PIWIL4: variants seen among roughly 807,000 people sequenced by gnomAD.
PIWIL4 encodes the protein piwi-like protein 4.
A neutral mutation model predicts 100.9 loss-of-function variants in PIWIL4; 50 were observed. The ratio of observed to expected loss-of-function variants is 0.50; its 90% CI spans 0.39 to 0.63. The LOEUF (loss-of-function observed/expected upper bound fraction) is 0.63, where lower values mean the gene tolerates loss of function less well. Ranked by LOEUF, PIWIL4 falls within the 20% of genes least tolerant of loss-of-function variation. The pLI is 0.00. For missense variants in PIWIL4, 887 were observed against 1,043.3 expected (o/e 0.85, Z 2.06); for synonymous variants, 342 against 367.5 (o/e 0.93, Z 0.79).
intron 4 of PIWIL4, among the ~76,000 whole-genome samples, chr11:94,580,257 A>C (rs935120704): frequency 9.2e-5 from 14 of 152,344 alleles, no homozygotes; most frequent in African/African-American, 3.4e-4. Context: ...GTTACAGTGC[A>C]AAAGAAAGTG....
intron 7 of PIWIL4, 116 bp downstream of exon 7, chr11:94,587,363 T>G (rs1361091619): frequency 1.8e-6 from 2 of 1,118,634 alleles, no homozygotes; most frequent in African/African-American, 3.2e-5. Flanking sequence ...CATTTACTCA[T>G]CTGTTTAGAA....
rs1385386233 is a variant in PIWIL4, at chr11:94,619,859, G to A, written c.2268G>A (p.Val756=). ...AGAACCCCCCACTTGGCACTGTTGT[G>A]GATTCAGAAGCAACACGTAACGAAT... ...TVQNPPLGTV[V]DSEATRNEWY... The change falls in exon 18 of 20, where the codon GTG becomes GTA. Residue 756 remains valine (V), a synonymous_variant. Coordinates refer to ENST00000299001, the MANE Select transcript of PIWIL4 (RefSeq NM_152431.3). 6.2e-7 allele frequency: 1 copy of A among 1,614,140 alleles called. No homozygotes were observed. The highest frequency in any genetic ancestry group is 1.1e-5 in the South Asian group (1 of 91,088).
At chr11:94,595,210 A>G in intron 9 of PIWIL4, 99 bp from the exon 10 acceptor site, 8 of 879,268 alleles carry the variant, frequency 9.1e-6, no homozygotes, top group Non-Finnish European at 3.7e-6. Context: ...TGCTATACAG[A>G]TGGTGAATGC....
intron 2 of PIWIL4, among the ~76,000 whole-genome samples, chr11:94,569,021 T>C (rs1336459586): frequency 6.6e-6 from 1 of 152,188 alleles, no homozygotes; most frequent in African/African-American, 2.4e-5. Flanking sequence ...TCCATAGATA[T>C]TAGGAAGCCA....
intron 5 of PIWIL4, 49 bp downstream of exon 5, chr11:94,583,618 G>A: frequency 6.2e-7 from 1 of 1,607,116 alleles, no homozygotes; most frequent in Non-Finnish European, 8.5e-7. Context: ...ATACCTTTCA[G>A]CATAGAGCCT....
chr11:94,606,160 T>G (rs1948713328), intron 13 of PIWIL4, among the ~76,000 whole-genome samples: 1 of 152,184 alleles, frequency 6.6e-6, no homozygotes, highest in South Asian at 2.1e-4. Flanking sequence ...GCATACCTGC[T>G]TACTTGTCCA....
Position 94,619,883 on chromosome 11 carries a change from A to G in PIWIL4, c.2292A>G (p.Glu764=). The change falls in exon 18 of 20, where the codon GAA becomes GAG. Residue 764 remains glutamate (E), a splice_region_variant and synonymous_variant. Coordinates refer to ENST00000299001, the MANE Select transcript of PIWIL4 (RefSeq NM_152431.3). ...TGGATTCAGAAGCAACACGTAACGA[A>G]TGGCAAGTGCCGCTGGAAAATCAAT... ...TVVDSEATRN[E]WYDFYLISQV... The G allele has an allele frequency of 6.2e-7, 1 of 1,614,240 alleles. No homozygotes were observed. The highest frequency in any genetic ancestry group is 1.1e-5 in the South Asian group (1 of 91,090).
rs986231178 is a variant in PIWIL4 at position 94,621,258 on chromosome 11, G to A, written c.*266G>A. The A allele has an allele frequency of 3.5e-5, 13 of 371,696 alleles. No individual in the cohort carries two copies. The highest frequency in any genetic ancestry group is 8.5e-5 in the Admixed American group (2 of 23,662). The allele number at this position is 371,696 out of a possible 1,614,324, so 23.0% of individuals were successfully genotyped here. A position where few individuals can be genotyped will look rare whatever the true frequency, so the allele number is the denominator to read the frequency against. Reference sequence around the variant, plus strand: ...CATCATCTACAAAGAATTCCACAGAGTTAAATATCTTAAGTTAAACACTTA... The same window carrying A: ...CATCATCTACAAAGAATTCCACAGAATTAAATATCTTAAGTTAAACACTTA... On this transcript the variant is annotated 3_prime_UTR_variant, in exon 20 of 20. Coordinates refer to ENST00000299001, the MANE Select transcript of PIWIL4 (RefSeq NM_152431.3).
At chr11:94,602,030 G>A (rs1473991190) in intron 12 of PIWIL4, 51 bp downstream of exon 12, 2 of 1,524,244 alleles carry the variant, frequency 1.3e-6, no homozygotes, top group Non-Finnish European at 1.8e-6. Context: ...TGGTTAGAAG[G>A]TAGGGAATAA....
chr11:94,595,419 A>G lies in PIWIL4; in HGVS notation c.1261A>G (p.Ile421Val), dbSNP rs752865371. 3 of 1,612,554 alleles carry G rather than the reference A, an allele frequency of 1.9e-6. No homozygotes were observed. The highest frequency in any genetic ancestry group is 2.2e-5 in the East Asian group (1 of 44,858). The change falls in exon 10 of 20, where the codon ATC (isoleucine) becomes GTC (valine). Residue 421 changes from isoleucine to valine, a missense_variant. Physicochemically the swap from Ile to Val is conservative, Grantham distance 29. Around this residue, in one of 2 missense-constraint regions of PIWIL4, gnomAD observed 741 missense variants for 930.0 expected, o/e 0.80. Coordinates refer to ENST00000299001, the MANE Select transcript of PIWIL4 (RefSeq NM_152431.3). ...GCGCCTGGCCAGGCTTGTGGACAAC[A>G]TCCAGAGGTACTGGATCACCGCATG... ...QQRLARLVDN[I>V]QRNTNARFEL...
chr11:94,607,352 A>G, intron 13 of PIWIL4, 87 bp from the exon 14 acceptor site: 1 of 1,214,218 alleles, frequency 8.2e-7, no homozygotes, highest in Non-Finnish European at 1.2e-6. Flanking sequence ...ATGTTTGGAG[A>G]ATAATTCATG....
chr11:94,594,329 G>C (rs1027958638), intron 9 of PIWIL4, among the ~76,000 whole-genome samples: 1 of 151,650 alleles, frequency 6.6e-6, no homozygotes, highest in Non-Finnish European at 1.5e-5. Flanking sequence ...AGCTGGGCCC[G>C]GTGGCACGCG....
At chr11:94,616,041 A>G (rs1472327551) in intron 15 of PIWIL4, among the ~76,000 whole-genome samples, 1 of 152,258 alleles carries the variant, frequency 6.6e-6, no homozygotes, top group African/African-American at 2.4e-5. Context: ...CTATTGCTAA[A>G]TTAGTACATT....
intron 2 of PIWIL4, among the ~76,000 whole-genome samples, chr11:94,573,848 A>G (rs1948196187): frequency 6.6e-6 from 1 of 152,184 alleles, no homozygotes; most frequent in Non-Finnish European, 1.5e-5. Context: ...CATCACCACC[A>G]TCCAACTTTA....
chr11:94,580,519 T>G (rs1204747462), intron 4 of PIWIL4, among the ~76,000 whole-genome samples: 1 of 152,196 alleles, frequency 6.6e-6, no homozygotes, highest in Non-Finnish European at 1.5e-5. Flanking sequence ...CACATCTATT[T>G]GCCACTCTCA....
At chr11:94,567,656 C>G (rs981785309) in intron 1 of PIWIL4, 51 bp downstream of exon 1, 35 of 1,496,164 alleles carry the variant, frequency 2.3e-5, no homozygotes, top group Non-Finnish European at 3.0e-5. Context: ...ACCTCTGTCT[C>G]TAGCCTGAAC....
chr11:94,581,335 G>A (rs75248602), intron 4 of PIWIL4, among the ~76,000 whole-genome samples: 1,801 of 152,300 alleles, frequency 0.012, 33 homozygotes, highest in African/African-American at 0.04. Context: ...ACACCTGAGC[G>A]AGAGTGATAG....
At chr11:94,568,920 T>A in intron 2 of PIWIL4, 112 bp downstream of exon 2, 1 of 883,978 alleles carries the variant, frequency 1.1e-6, no homozygotes, top group Non-Finnish European at 1.8e-6. Context: ...TGATTTCCTT[T>A]CCTTGAAGGA....
At chr11:94,567,698 C>CGTAACTACA in intron 1 of PIWIL4, 93 bp downstream of exon 1, 3 of 1,364,302 alleles carry the variant, frequency 2.2e-6, no homozygotes, top group Non-Finnish European at 2.9e-6. Flanking sequence ...CTCCTCCTCT[C>CGTAACTACA]TGTTACGAAG....
Sources: gnomAD v4.1 joint callset for allele counts (sites outside exome capture counted in the v4.1 genomes callset) on GRCh38, gnomAD v4.1.1 for gene constraint, gnomAD v4.1.1 regional missense constraint, MANE v1.5 for transcripts, NCBI Gene and HGNC (gene_info 2026-07-23, HGNC 2026-07-21) for gene names.